ROBO1: variants seen among roughly 807,000 people sequenced by gnomAD.
ROBO1 encodes the protein roundabout guidance receptor 1.
Under a neutral mutation model 195.9 loss-of-function variants are expected in ROBO1, and 149 were observed. The observed-to-expected ratio is 0.76, with a 90% CI of 0.67 to 0.87. The LOEUF is 0.87. Among genes scored for constraint, ROBO1 ranks in the 40% least tolerant of loss-of-function variants. The pLI is 0.00. For missense variants in ROBO1, 1,933 were observed against 2,068.3 expected (o/e 0.93, Z 1.27); for synonymous variants, 816 against 733.2 (o/e 1.11, Z -1.82).
At position 78,941,583 on chromosome 3, in the gene ROBO1, C is replaced by T. The variant is rs190923740; in HGVS notation, c.173-2656G>A. Reference sequence around the variant, plus strand: ...CTGTTATGAGGATACAAAGAAGGGCCACCGAAGATTGCCTGAGCAAGTCAG... The same window carrying T: ...CTGTTATGAGGATACAAAGAAGGGCTACCGAAGATTGCCTGAGCAAGTCAG... On this transcript the variant is annotated intron_variant, in intron 3 of 30. Transcript: ENST00000464233. 8.3e-4 allele frequency among the ~76,000 whole-genome samples: 127 copies of T among 152,144 alleles called. No homozygotes were observed. In the East Asian group the frequency reaches 0.023, roughly 28 times the overall value.
intron 8 of ROBO1, among the ~76,000 whole-genome samples, chr3:78,699,406 A>AG (rs1457129174): frequency 6.8e-6 from 1 of 147,846 alleles, no homozygotes; most frequent in Non-Finnish European, 1.5e-5. Context: ...AAAAAAAAAA[A>AG]AAAAAAAAAA....
At chr3:79,521,974 T>C (rs906353433) in intron 2 of ROBO1, among the ~76,000 whole-genome samples, 6 of 152,150 alleles carry the variant, frequency 3.9e-5, no homozygotes, top group African/African-American at 1.2e-4. Context: ...CTTAACTGTA[T>C]GCTATAATCC....
chr3:78,830,564 A>T (rs1012071209), intron 4 of ROBO1, among the ~76,000 whole-genome samples: 7 of 152,202 alleles, frequency 4.6e-5, no homozygotes, highest in Admixed American at 1.3e-4. Context: ...AGAAGAATGA[A>T]AACCCAGTGA....
At position 79,363,709 on chromosome 3, in the gene ROBO1, C is replaced by T. The variant is rs545326028; in HGVS notation, c.88+226115G>A. On this transcript the variant is annotated intron_variant, in intron 2 of 30. Coordinates refer to ENST00000464233, the MANE Select transcript of ROBO1 (RefSeq NM_002941.4). ...ACAGAAGCACATACATGGTTTGACA[C>T]ATACACGCATGCAGTCTTGTGCATA... Among the ~76,000 whole-genome samples the T allele has an allele frequency of 4.6e-5, 7 of 152,324 alleles. No homozygotes were observed. The East Asian group carries it at 9.7e-4, about 21-fold the overall frequency.
chr3:79,399,871 T>C (rs138643303), intron 2 of ROBO1, among the ~76,000 whole-genome samples: 11 of 152,244 alleles, frequency 7.2e-5, no homozygotes, highest in African/African-American at 2.2e-4. Flanking sequence ...TTCTTAAAAT[T>C]GTGATAGAAT....
At chr3:79,442,945 A>G (rs1255204954) in intron 2 of ROBO1, among the ~76,000 whole-genome samples, 1 of 152,180 alleles carries the variant, frequency 6.6e-6, no homozygotes, top group African/African-American at 2.4e-5. Context: ...ACTCATCTCA[A>G]TACCTGGAAT....
intron 23 of ROBO1, chr3:78,634,426 A>G (rs1425885941): frequency 3.9e-6 from 1 of 258,352 alleles, no homozygotes; most frequent in Admixed American, 3.7e-5. Flanking sequence ...GCTTCTGCTT[A>G]CTTAGGCAAA....
chr3:79,232,201 A>G (rs1156825695), intron 2 of ROBO1, among the ~76,000 whole-genome samples: 4 of 151,570 alleles, frequency 2.6e-5, no homozygotes, highest in Non-Finnish European at 4.4e-5. Flanking sequence ...CCTGAACTTG[A>G]AATAGAAATT....
chr3:79,245,420 C>T (rs1296554665), intron 2 of ROBO1, among the ~76,000 whole-genome samples: 1 of 152,000 alleles, frequency 6.6e-6, no homozygotes, highest in African/African-American at 2.4e-5. Flanking sequence ...TGTGTCCTTC[C>T]TAGTGCTAAT....
At chr3:78,711,767 G>A (rs1367381793) in intron 8 of ROBO1, among the ~76,000 whole-genome samples, 1 of 150,702 alleles carries the variant, frequency 6.6e-6, no homozygotes, top group Non-Finnish European at 1.5e-5. Flanking sequence ...GGGATTACAG[G>A]CATGAGCCAC....
chr3:78,917,700 T>C (rs2038696910), intron 4 of ROBO1, among the ~76,000 whole-genome samples: 1 of 152,204 alleles, frequency 6.6e-6, no homozygotes, highest in Non-Finnish European at 1.5e-5. Context: ...GAACTTGGCA[T>C]AAACTCAGAT....
chr3:78,668,627 C>A, intron 11 of ROBO1, 62 bp from the exon 12 acceptor site: 1 of 1,494,714 alleles, frequency 6.7e-7, no homozygotes, highest in East Asian at 2.3e-5. Flanking sequence ...GCTGGAAAAG[C>A]AATTACAGGT....
At chr3:78,811,994 C>T (rs2084757221) in intron 4 of ROBO1, among the ~76,000 whole-genome samples, 1 of 152,082 alleles carries the variant, frequency 6.6e-6, no homozygotes, top group African/African-American at 2.4e-5. Context: ...TTTAATGTTA[C>T]GGTGGAATCG....
At chr3:79,409,647 C>T (rs1204172132) in intron 2 of ROBO1, among the ~76,000 whole-genome samples, 1 of 152,024 alleles carries the variant, frequency 6.6e-6, no homozygotes, top group African/African-American at 2.4e-5. Context: ...AGGTCTGCAC[C>T]CATGACTCAA....
At chr3:78,998,437 T>A (rs760896224) in intron 3 of ROBO1, among the ~76,000 whole-genome samples, 10 of 152,314 alleles carry the variant, frequency 6.6e-5, no homozygotes, top group South Asian at 4.1e-4. Context: ...TAAAGCTGAA[T>A]CTTTACATCA....
intron 2 of ROBO1, among the ~76,000 whole-genome samples, chr3:79,146,102 T>C (rs778873065): frequency 1.7e-4 from 26 of 151,962 alleles, no homozygotes; most frequent in Admixed American, 5.3e-4. Flanking sequence ...GCTATTTCTA[T>C]TTATAAAATA....
intron 1 of ROBO1, among the ~76,000 whole-genome samples, chr3:79,735,939 C>A (rs1703364753): frequency 6.6e-6 from 1 of 151,252 alleles, no homozygotes; most frequent in South Asian, 2.1e-4. Flanking sequence ...ATTCAGGTAT[C>A]TTGTATCCAA....
At chr3:79,005,094 T>C (rs1443065437) in intron 3 of ROBO1, among the ~76,000 whole-genome samples, 4 of 152,216 alleles carry the variant, frequency 2.6e-5, no homozygotes. Context: ...CAAGCTATTT[T>C]GTCAAGGCAT....
intron 2 of ROBO1, among the ~76,000 whole-genome samples, chr3:79,527,524 CTACTT>C (rs1006969205): frequency 2.0e-5 from 3 of 151,928 alleles, no homozygotes; most frequent in Admixed American, 6.6e-5. Flanking sequence ...ATCTACAACA[CTACTT>C]TAATTTATCT....
Sources: gnomAD v4.1 joint callset for allele counts (sites outside exome capture counted in the v4.1 genomes callset) on GRCh38, gnomAD v4.1.1 for gene constraint, MANE v1.5 for transcripts, NCBI Gene and HGNC (gene_info 2026-07-23, HGNC 2026-07-21) for gene names.